Variants in CENPQ observed in about 807,000 individuals in gnomAD.
CENPQ encodes chromosome 6 open reading frame 139.
In CENPQ, 27 loss-of-function variants were observed where a neutral mutation model predicts 36.6. That is an observed-to-expected ratio of 0.74 (90% CI 0.54 to 1.02). CENPQ has a LOEUF of 1.02. CENPQ is among the 50% of genes least tolerant of loss of function. The pLI is 0.00. For missense variants in CENPQ, 306 were observed against 301.8 expected, an observed-to-expected ratio of 1.01 and a Z score of -0.10; for synonymous variants, 101 against 101.7, an observed-to-expected ratio of 0.99 and a Z score of 0.04.
At chr6:49,466,104 G>T (rs1346321042) in intron 1 of CENPQ, among the ~76,000 whole-genome samples, 2 of 152,152 alleles carry the variant, frequency 1.3e-5, no homozygotes, top group Admixed American at 6.5e-5. Context: ...GTGTCTCAGG[G>T]AATAGGGAGG....
At chr6:49,481,148 A>G in intron 6 of CENPQ, 68 bp downstream of exon 6, 1 of 1,308,340 alleles carries the variant, frequency 7.6e-7, no homozygotes, top group Non-Finnish European at 1.0e-6. Context: ...AAAGTTTTTA[A>G]AATTATCATG....
At chr6:49,491,527 T>C (rs1426903590) in intron 8 of CENPQ, among the ~76,000 whole-genome samples, 1 of 152,218 alleles carries the variant, frequency 6.6e-6, no homozygotes, top group African/African-American at 2.4e-5. Context: ...GTCTTATTTG[T>C]AGTAAACTAT....
intron 6 of CENPQ, among the ~76,000 whole-genome samples, chr6:49,486,389 G>A (rs1400096507): frequency 6.6e-6 from 1 of 152,110 alleles, no homozygotes; most frequent in Non-Finnish European, 1.5e-5. Context: ...TATTTATGTT[G>A]GACAGCATTC....
intron 5 of CENPQ, 36 bp downstream of exon 5, chr6:49,472,894 A>G (rs1219408113): frequency 7.8e-7 from 1 of 1,277,010 alleles, no homozygotes; most frequent in East Asian, 3.0e-5. Context: ...ATTAAAACAT[A>G]ATTTTTAAAA....
At position 49,477,587 on chromosome 6, in the gene CENPQ, G is replaced by T. The variant is rs150832508; in HGVS notation, c.348-3364G>T. ...ATAATAAAAAAAAAAAAAAGAAAATGTTCTGTTTCTCAGTTTCAAGTTTGC... is the reference window on the plus strand; with the variant it reads ...ATAATAAAAAAAAAAAAAAGAAAATTTTCTGTTTCTCAGTTTCAAGTTTGC... On this transcript the variant is annotated intron_variant, in intron 5 of 8. Transcript: ENST00000335783. 4.1e-3 allele frequency among the ~76,000 whole-genome samples: 626 copies of T among 151,098 alleles called. 10 individuals carry two copies. Among genetic ancestry groups the T allele is most frequent in the African/African-American group, 0.015 (599 of 41,234 alleles).
At chr6:49,482,391 C>T (rs1768457663) in intron 6 of CENPQ, among the ~76,000 whole-genome samples, 1 of 152,196 alleles carries the variant, frequency 6.6e-6, no homozygotes, top group Admixed American at 6.5e-5. Flanking sequence ...CTCTCAATCC[C>T]CCCTCTAAAC....
chr6:49,472,930 A>G, intron 5 of CENPQ, 72 bp downstream of exon 5: 1 of 1,085,700 alleles, frequency 9.2e-7, no homozygotes, highest in Non-Finnish European at 1.2e-6. Context: ...ATGTTGCCAA[A>G]TAGACACTTG....
At chr6:49,480,908 A>G (rs756179382) in intron 5 of CENPQ, 43 bp from the exon 6 acceptor site, 2 of 1,388,706 alleles carry the variant, frequency 1.4e-6, no homozygotes, top group African/African-American at 2.9e-5. Context: ...TAATAATAGT[A>G]CTCAAAAATA....
intron 3 of CENPQ, among the ~76,000 whole-genome samples, chr6:49,471,590 C>T (rs180893156): frequency 3.9e-5 from 6 of 152,256 alleles, no homozygotes. Flanking sequence ...CTCTCCAACA[C>T]TCATTTTCAT....
chr6:49,475,978 T>C (rs1486800194), intron 5 of CENPQ, among the ~76,000 whole-genome samples: 3 of 151,892 alleles, frequency 2.0e-5, no homozygotes, highest in Non-Finnish European at 4.4e-5. Context: ...AGAATCAATA[T>C]CGTGAAAATG....
intron 5 of CENPQ, 55 bp downstream of exon 5, chr6:49,472,913 T>C (rs1768179762): frequency 4.3e-6 from 5 of 1,170,114 alleles, no homozygotes; most frequent in Non-Finnish European, 5.6e-6. Flanking sequence ...AAACCTGACT[T>C]CTTTCTATGT....
chr6:49,488,665 T>G lies in CENPQ; in HGVS notation c.656T>G (p.Leu219Arg). 2 of 1,613,072 alleles carry G rather than the reference T, an allele frequency of 1.2e-6. No individual in the cohort carries two copies. The highest frequency in any genetic ancestry group is 1.7e-6 in the Non-Finnish European group (2 of 1,179,160). ...LSLPELSQKTLKAPTLQKEIL... is the reference protein window; with the variant it reads ...LSLPELSQKTRKAPTLQKEIL... ...CTTCCGGAACTTTCTCAGAAAACTC[T>G]CAAAGCACCCACACTTCAGGTAAGT... is the stretch of plus-strand genomic sequence containing the variant. Residue 219 changes from leucine to arginine, a missense_variant, in exon 8 of 9, where the codon CTC becomes CGC. By Grantham distance (102) the Leu-to-Arg change is moderately radical (BLOSUM62 -2). Coordinates refer to ENST00000335783, the MANE Select transcript of CENPQ (RefSeq NM_018132.4).
At chr6:49,489,351 A>G (rs116481699) in intron 8 of CENPQ, among the ~76,000 whole-genome samples, 1,551 of 152,224 alleles carry the variant, frequency 0.01, 21 homozygotes, top group African/African-American at 0.035. Context: ...CGTCCATCCA[A>G]TTTTTATCAT....
At chr6:49,485,050 A>C (rs910986089) in intron 6 of CENPQ, among the ~76,000 whole-genome samples, 2 of 152,194 alleles carry the variant, frequency 1.3e-5, no homozygotes, top group Non-Finnish European at 2.9e-5. Context: ...ATTACAATCT[A>C]TAATTTGCTT....
At chr6:49,474,162 G>C (rs1324673670) in intron 5 of CENPQ, among the ~76,000 whole-genome samples, 1 of 152,118 alleles carries the variant, frequency 6.6e-6, no homozygotes, top group Non-Finnish European at 1.5e-5. Context: ...TCTGCACCAA[G>C]CAGACCTAAT....
At chr6:49,472,315 T>G in intron 4 of CENPQ, 132 bp downstream of exon 4, 1 of 713,746 alleles carries the variant, frequency 1.4e-6, no homozygotes, top group Non-Finnish European at 2.0e-6. Flanking sequence ...CAGATAAAAT[T>G]AATGTGACGG....
chr6:49,463,393 G>T lies in CENPQ; in HGVS notation c.-79G>T, dbSNP rs1448257249. On this transcript the variant is annotated 5_prime_UTR_variant, in exon 1 of 9. Transcript: ENST00000335783. ...CCACTTCCGGGTCTCCTCTGTTTAC[G>T]AATGTTTGGGCGCGAATTACTCTAA... 6.6e-6 allele frequency: 1 copy of T among 152,324 alleles called. No homozygotes were observed. The highest frequency in any genetic ancestry group is 1.5e-5 in the Non-Finnish European group (1 of 68,158). 9.4% of individuals were successfully genotyped at this position (152,324 alleles called of 1,614,324 possible).
chr6:49,468,364 A>T (rs751363244), intron 1 of CENPQ, among the ~76,000 whole-genome samples: 2 of 151,998 alleles, frequency 1.3e-5, no homozygotes, highest in African/African-American at 4.8e-5. Context: ...AGACCGAGGC[A>T]GGAGGATCAC....
At chr6:49,472,911 CTTCT>C in intron 5 of CENPQ, 53 bp downstream of exon 5, 2 of 1,185,848 alleles carry the variant, frequency 1.7e-6, no homozygotes, top group Non-Finnish European at 2.2e-6. Context: ...AAAAACCTGA[CTTCT>C]TTCTATGTTG....
Sources: gnomAD v4.1 joint callset for allele counts (sites outside exome capture counted in the v4.1 genomes callset) on GRCh38, gnomAD v4.1.1 for gene constraint, MANE v1.5 for transcripts, NCBI Gene and HGNC (gene_info 2026-07-23, HGNC 2026-07-21) for gene names.